The following SHPK variants were observed in gnomAD, a reference collection of about 807,000 sequenced individuals.
SHPK encodes the protein sedoheptulokinase.
Under a neutral mutation model 46.3 loss-of-function variants are expected in SHPK, and 51 were observed. The ratio of observed to expected loss-of-function variants is 1.10; its 90% CI spans 0.88 to 1.39. The LOEUF (loss-of-function observed/expected upper bound fraction) is 1.39. SHPK is among the 40% of genes most tolerant of loss of function. The pLI is 0.00. For synonymous variants in SHPK, 290 were observed against 273.9 expected (o/e 1.06, Z -0.58); for missense variants, 668 against 641.3 (o/e 1.04, Z -0.45).
intron 1 of SHPK, among the ~76,000 whole-genome samples, chr17:3,632,488 T>A (rs1466930461): frequency 6.6e-6 from 1 of 151,552 alleles, no homozygotes; most frequent in Non-Finnish European, 1.5e-5. Flanking sequence ...CCAGGGTGAG[T>A]GGGTGCGTGA....
intron 1 of SHPK, among the ~76,000 whole-genome samples, chr17:3,633,759 G>A (rs551937331): frequency 6.6e-6 from 1 of 152,226 alleles, no homozygotes; most frequent in Non-Finnish European, 1.5e-5. Context: ...CACCCCGTCT[G>A]GGTAGTGTAC....
intron 4 of SHPK, 34 bp downstream of exon 4, chr17:3,623,305 C>A: frequency 6.2e-7 from 1 of 1,612,460 alleles, no homozygotes; most frequent in Non-Finnish European, 8.5e-7. Flanking sequence ...CAGATTGGAG[C>A]AGGAGGAACA....
At chr17:3,635,014 A>C (rs1449527597) in intron 1 of SHPK, among the ~76,000 whole-genome samples, 1 of 151,826 alleles carries the variant, frequency 6.6e-6, no homozygotes, top group Non-Finnish European at 1.5e-5. Context: ...TCTACTAAAA[A>C]TACAAAAAGT....
chr17:3,621,601 TTCCC>T (rs201385296), intron 4 of SHPK, among the ~76,000 whole-genome samples, 189 bp from the exon 5 acceptor site: 18 of 120,884 alleles, frequency 1.5e-4, no homozygotes, highest in African/African-American at 4.6e-4. Context: ...TCTCCATTCC[TTCCC>T]TCCCTCCCTC....
chr17:3,636,242 C>G lies in SHPK; in HGVS notation c.-23G>C. ...CATTATCTCCCTGACCCGCGCAGCT[C>G]CAGTCTGCAGCCAGCGGCCCCACAA... is the stretch of plus-strand genomic sequence containing the variant. On this transcript the variant is annotated 5_prime_UTR_variant, in exon 1 of 7. Coordinates refer to ENST00000225519, the MANE Select transcript of SHPK (RefSeq NM_013276.4). 1 of 1,581,054 alleles carries G rather than the reference C, an allele frequency of 6.3e-7. No individual in the cohort carries two copies. Among genetic ancestry groups the G allele is most frequent in the Non-Finnish European group, 8.6e-7 (1 of 1,159,028 alleles).
At chr17:3,619,705 C>G in intron 5 of SHPK, 2 of 331,628 alleles carry the variant, frequency 6.0e-6, no homozygotes, top group Middle Eastern at 1.9e-3. Flanking sequence ...TGCACTCCAG[C>G]CTGGGCGACA....
chr17:3,635,517 G>A (rs962717161), intron 1 of SHPK, among the ~76,000 whole-genome samples: 36 of 152,310 alleles, frequency 2.4e-4, no homozygotes, highest in Non-Finnish European at 4.3e-4. Context: ...TTACAGGCGT[G>A]AGCCACCGCG....
Position 3,621,404 on chromosome 17 carries a change from C to T in SHPK, c.656G>A (p.Ser219Asn), listed in dbSNP as rs760720177. 1 of 1,613,618 alleles carries T rather than the reference C, an allele frequency of 6.2e-7. No individual in the cohort carries two copies. Among genetic ancestry groups the T allele is most frequent in the Non-Finnish European group, 8.5e-7 (1 of 1,179,740 alleles). ...GAGCAGGTGGACAGGAAAACCCGAG[C>T]TCCTCAGTCTGTAAAACAGAAGTGG... ...SQSWNVETLR[S>N]SGFPVHLLPD... is the part of the protein sequence containing the mutation. The change falls in exon 5 of 7, where the codon AGC becomes AAC. Residue 219 changes from serine (S) to asparagine (N), a missense_variant. Physicochemically the swap from Ser to Asn is conservative, Grantham distance 46 (BLOSUM62 1). Coordinates refer to ENST00000225519, the MANE Select transcript of SHPK (RefSeq NM_013276.4).
At chr17:3,612,830 C>A (rs2075348249) in intron 6 of SHPK, among the ~76,000 whole-genome samples, 1 of 151,142 alleles carries the variant, frequency 6.6e-6, no homozygotes, top group Non-Finnish European at 1.5e-5. Context: ...CGGCTCACTG[C>A]AACCTCTGCC....
intron 6 of SHPK, among the ~76,000 whole-genome samples, chr17:3,614,869 G>A (rs1481990069): frequency 6.6e-6 from 1 of 150,866 alleles, no homozygotes; most frequent in Non-Finnish European, 1.5e-5. Flanking sequence ...AAAAGAAGAA[G>A]AAGAAGAAGA....
intron 1 of SHPK, among the ~76,000 whole-genome samples, chr17:3,633,976 C>A (rs1397897657): frequency 2.0e-5 from 3 of 149,672 alleles, no homozygotes; most frequent in Non-Finnish European, 4.4e-5. Flanking sequence ...ACCCCCAACC[C>A]TGTGCTCTCT....
intron 5 of SHPK, chr17:3,619,937 AC>A: frequency 5.1e-6 from 1 of 196,326 alleles, no homozygotes; most frequent in Non-Finnish European, 1.1e-5. Context: ...CCACGTTCTC[AC>A]GTTTTTAAAT....
chr17:3,630,884 T>C (rs1261533401), intron 1 of SHPK, among the ~76,000 whole-genome samples: 1 of 151,926 alleles, frequency 6.6e-6, no homozygotes, highest in Non-Finnish European at 1.5e-5. Flanking sequence ...ACTAGAGGAA[T>C]CCACAGAAAG....
Position 3,610,529 on chromosome 17 carries a change from ACAGC to A in SHPK, c.*27_*30del, listed in dbSNP as rs2075330366. ...CAGGAATGTTAATCAGGTAAAATTC[ACAGC>A]AGTCGTTTGGCGAAAGAGTTTGCTG... On this transcript the variant is annotated 3_prime_UTR_variant, in exon 7 of 7. Coordinates refer to ENST00000225519, the MANE Select transcript of SHPK (RefSeq NM_013276.4). 1.3e-6 allele frequency: 2 copies of A among 1,565,218 alleles called. No homozygotes were observed. The highest frequency in any genetic ancestry group is 3.5e-5 in the Admixed American group (2 of 57,422).
chr17:3,625,850 C>A (rs774614703), intron 2 of SHPK, among the ~76,000 whole-genome samples: 6 of 152,122 alleles, frequency 3.9e-5, no homozygotes, highest in African/African-American at 1.4e-4. Flanking sequence ...GTGAGGAGTT[C>A]GAGACCAGCC....
At chr17:3,635,267 G>A (rs957997408) in intron 1 of SHPK, among the ~76,000 whole-genome samples, 2 of 148,096 alleles carry the variant, frequency 1.4e-5, no homozygotes, top group South Asian at 2.2e-4. Flanking sequence ...AAGGAGTCTC[G>A]CTCTGTCACC....
At chr17:3,623,689 C>T (rs1324966930) in intron 3 of SHPK, among the ~76,000 whole-genome samples, 198 bp from the exon 4 acceptor site, 1 of 152,168 alleles carries the variant, frequency 6.6e-6, no homozygotes, top group African/African-American at 2.4e-5. Context: ...CCTAAGTCAG[C>T]CCCAGGGGAA....
intron 4 of SHPK, among the ~76,000 whole-genome samples, 166 bp downstream of exon 4, chr17:3,623,173 C>A (rs1247225711): frequency 3.9e-5 from 6 of 152,152 alleles, no homozygotes; most frequent in Non-Finnish European, 8.8e-5. Context: ...ACACTGGGCC[C>A]ATCCATGCCC....
At chr17:3,624,697 A>G (rs1014902144) in intron 2 of SHPK, among the ~76,000 whole-genome samples, 1 of 151,792 alleles carries the variant, frequency 6.6e-6, no homozygotes, top group Non-Finnish European at 1.5e-5. Context: ...TGTGTCCCCC[A>G]GGTTGGAATG....
Sources: allele counts gnomAD v4.1 joint callset (sites outside exome capture counted in the v4.1 genomes callset), GRCh38; gene constraint gnomAD v4.1.1; transcripts MANE v1.5; gene names NCBI Gene and HGNC (gene_info 2026-07-23, HGNC 2026-07-21).